RGL1: variants seen among roughly 807,000 people sequenced by gnomAD.
RGL1 encodes the protein ral guanine nucleotide dissociation stimulator like 1.
In RGL1, 24 loss-of-function variants were observed where a neutral mutation model predicts 95.2. The observed-to-expected ratio is 0.25, with a 90% CI of 0.18 to 0.35. The LOEUF (loss-of-function observed/expected upper bound fraction) is 0.35. Among genes scored for constraint, RGL1 ranks in the 10% least tolerant of loss-of-function variants. RGL1 has a pLI of 1.00. For missense variants in RGL1, 715 were observed against 936.3 expected (o/e 0.76, Z 3.08); for synonymous variants, 329 against 344.9 (o/e 0.95, Z 0.51).
rs1669601278 is a variant in RGL1 at position 183,926,122 on chromosome 1, T to C, written c.2137T>C (p.Ser713Pro). 2 of 1,613,664 alleles carry C rather than the reference T, an allele frequency of 1.2e-6. No individual in the cohort carries two copies. The highest frequency in any genetic ancestry group is 1.3e-5 in the African/African-American group (1 of 74,924). Residue 713 changes from serine (S) to proline (P), a missense_variant, in exon 18 of 18, where the codon TCA (serine) becomes CCA (proline). This residue lies in a region of RGL1 where 330 missense variants were observed against 429.6 expected (regional missense o/e 0.77). Coordinates refer to ENST00000360851, the MANE Select transcript of RGL1 (RefSeq NM_001297671.3). ...SEDKELVIPD[S>P]ANVFYAMNSQ... ...TTTTTCAGAACTTGTGATTCCAGAC[T>C]CAGCAAATGTCTTTTATGCCATGAA...
intron 2 of RGL1, among the ~76,000 whole-genome samples, chr1:183,832,024 C>T (rs1663291455): frequency 6.6e-6 from 1 of 152,080 alleles, no homozygotes; most frequent in Non-Finnish European, 1.5e-5. Flanking sequence ...GCTTGTTGGA[C>T]TTTATTATAA....
chr1:183,847,446 A>G (rs1329746349), intron 2 of RGL1, 120 bp from the exon 3 acceptor site: 2 of 835,008 alleles, frequency 2.4e-6, no homozygotes, highest in Non-Finnish European at 3.8e-6. Flanking sequence ...CAAAAGGGAT[A>G]AATAAATAAA....
intron 3 of RGL1, among the ~76,000 whole-genome samples, chr1:183,862,036 T>A (rs1396620691): frequency 1.3e-5 from 2 of 152,170 alleles, no homozygotes; most frequent in Non-Finnish European, 2.9e-5. Context: ...TAATTCTCCT[T>A]AATGATAAGA....
chr1:183,675,725 C>G (rs1652785563), intron 1 of RGL1, among the ~76,000 whole-genome samples: 1 of 152,160 alleles, frequency 6.6e-6, no homozygotes, highest in African/African-American at 2.4e-5. Flanking sequence ...AAAATATACT[C>G]TCCTGTAATG....
chr1:183,885,563 G>A (rs1171720137), intron 7 of RGL1, among the ~76,000 whole-genome samples: 1 of 152,274 alleles, frequency 6.6e-6, no homozygotes, highest in East Asian at 1.9e-4. Context: ...TGGATGAACT[G>A]CTTACATACC....
chr1:183,920,039 CTT>C (rs34791923), intron 16 of RGL1, among the ~76,000 whole-genome samples: 4 of 146,230 alleles, frequency 2.7e-5, no homozygotes, highest in Non-Finnish European at 3.0e-5. Context: ...CTTTCAAAAA[CTT>C]TTTTTTTTTT....
intron 16 of RGL1, among the ~76,000 whole-genome samples, chr1:183,920,167 T>C (rs1669232472): frequency 1.3e-5 from 2 of 152,078 alleles, no homozygotes. Flanking sequence ...CCTGAGTAGC[T>C]GGGATTACAG....
At chr1:183,656,394 G>T (rs2102012031) in intron 1 of RGL1, among the ~76,000 whole-genome samples, 1 of 152,318 alleles carries the variant, frequency 6.6e-6, no homozygotes, top group South Asian at 2.1e-4. Context: ...CATATTTTAA[G>T]TTCAGCCTAA....
chr1:183,911,302 T>C lies in RGL1; in HGVS notation c.1563-780T>C, dbSNP rs1020188108. Among the ~76,000 whole-genome samples the C allele has an allele frequency of 2.6e-5, 4 of 152,242 alleles. No homozygotes were observed. In the South Asian group the frequency reaches 6.2e-4, roughly 24 times the overall value. ...TGCTCAGGCAAGAACAGTCTCCCTG[T>C]TGTCTTCCTATGCTAGTAGAAAGAT... On this transcript the variant is annotated intron_variant, in intron 14 of 17. Transcript: ENST00000360851.
At chr1:183,864,948 T>C (rs918388912) in intron 3 of RGL1, among the ~76,000 whole-genome samples, 2 of 152,210 alleles carry the variant, frequency 1.3e-5, no homozygotes, top group Non-Finnish European at 2.9e-5. Flanking sequence ...TTTAATCCCA[T>C]TAGTAGAAAA....
At chr1:183,921,123 G>T (rs193250785) in intron 16 of RGL1, among the ~76,000 whole-genome samples, 1 of 152,102 alleles carries the variant, frequency 6.6e-6, no homozygotes. Flanking sequence ...TTCTTTTCAG[G>T]TTGCTCTGCA....
chr1:183,689,411 T>C (rs10911407), intron 1 of RGL1, among the ~76,000 whole-genome samples: 12,311 of 152,236 alleles, frequency 0.081, 913 homozygotes, highest in African/African-American at 0.2. Context: ...CTCCTGGATG[T>C]GTTTCCCATC....
At chr1:183,922,652 A>G (rs1572610114) in intron 17 of RGL1, among the ~76,000 whole-genome samples, 3 of 152,048 alleles carry the variant, frequency 2.0e-5, no homozygotes, top group African/African-American at 4.8e-5. Context: ...GGCAGAGGGT[A>G]GGGGAGTCTG....
At chr1:183,772,321 C>T (rs1659324679) in intron 2 of RGL1, among the ~76,000 whole-genome samples, 1 of 152,160 alleles carries the variant, frequency 6.6e-6, no homozygotes, top group Non-Finnish European at 1.5e-5. Context: ...CTGTGGGGTG[C>T]CCAAGTCTGT....
At chr1:183,660,140 C>G (rs889445635) in intron 1 of RGL1, among the ~76,000 whole-genome samples, 39 of 152,152 alleles carry the variant, frequency 2.6e-4, no homozygotes, top group African/African-American at 8.2e-4. Context: ...TAGGAAGAAA[C>G]TGCATCAACT....
At chr1:183,863,781 A>G (rs1390036283) in intron 3 of RGL1, among the ~76,000 whole-genome samples, 5 of 151,902 alleles carry the variant, frequency 3.3e-5, no homozygotes, top group Non-Finnish European at 7.4e-5. Flanking sequence ...TCTGCCACAC[A>G]CTCCTTTTTA....
chr1:183,740,727 A>T (rs1657241591), intron 1 of RGL1, among the ~76,000 whole-genome samples: 1 of 152,194 alleles, frequency 6.6e-6, no homozygotes. Flanking sequence ...TCAATAAAAA[A>T]GTTAAAAGGA....
chr1:183,847,058 A>G (rs1183941745), intron 2 of RGL1, among the ~76,000 whole-genome samples: 1 of 152,132 alleles, frequency 6.6e-6, no homozygotes, highest in Non-Finnish European at 1.5e-5. Flanking sequence ...TACTTCTAGA[A>G]AGGTAGGAAA....
chr1:183,828,520 G>T (rs550636967), intron 2 of RGL1, among the ~76,000 whole-genome samples: 3 of 152,250 alleles, frequency 2.0e-5, no homozygotes, highest in Admixed American at 6.5e-5. Context: ...TGCTCCTTCC[G>T]TGAGGCTTTG....
Sources: allele counts gnomAD v4.1 joint callset (sites outside exome capture counted in the v4.1 genomes callset), GRCh38; gene constraint gnomAD v4.1.1; regional missense constraint gnomAD v4.1.1; transcripts MANE v1.5; gene names NCBI Gene and HGNC (gene_info 2026-07-23, HGNC 2026-07-21).